DDR2: variants seen among roughly 807,000 people sequenced by gnomAD.
The protein encoded by DDR2 is discoidin domain-containing receptor 2.
In DDR2, 27 loss-of-function variants were observed where a neutral mutation model predicts 94.9. That is an observed-to-expected ratio of 0.28 (90% CI 0.21 to 0.39). DDR2 has a LOEUF of 0.39. Ranked by LOEUF, DDR2 falls within the 10% of genes least tolerant of loss-of-function variation. The pLI is 1.00. For synonymous variants in DDR2, 382 were observed against 377.2 expected (o/e 1.01, Z -0.15); for missense variants, 783 against 1,076.0 (o/e 0.73, Z 3.81).
chr1:162,721,942 G>A (rs1228283024), intron 3 of DDR2, among the ~76,000 whole-genome samples: 1 of 152,172 alleles, frequency 6.6e-6, no homozygotes, highest in African/African-American at 2.4e-5. Flanking sequence ...GCTCATTGTT[G>A]AAGATCTTAC....
intron 2 of DDR2, among the ~76,000 whole-genome samples, chr1:162,655,875 G>C (rs1418564425): frequency 6.6e-6 from 1 of 152,174 alleles, no homozygotes; most frequent in Non-Finnish European, 1.5e-5. Flanking sequence ...ACTACAACCA[G>C]GATAATAGTA....
At chr1:162,756,167 G>C (rs898358716) in intron 7 of DDR2, among the ~76,000 whole-genome samples, 2 of 152,190 alleles carry the variant, frequency 1.3e-5, no homozygotes, top group Non-Finnish European at 2.9e-5. Flanking sequence ...AAGTCAGAAA[G>C]AATAGACCTT....
At chr1:162,716,984 G>T (rs1412367425) in intron 2 of DDR2, among the ~76,000 whole-genome samples, 2 of 151,656 alleles carry the variant, frequency 1.3e-5, no homozygotes, top group Non-Finnish European at 2.9e-5. Context: ...TGCATCCAAT[G>T]CTTGCTTGAT....
Position 162,780,195 on chromosome 1 carries a change from T to G in DDR2, c.2517T>G (p.Arg839=), listed in dbSNP as rs777857327. 1 of 1,613,874 alleles carries G rather than the reference T, an allele frequency of 6.2e-7. No individual in the cohort carries two copies. Among genetic ancestry groups the G allele is most frequent in the Non-Finnish European group, 8.5e-7 (1 of 1,179,902 alleles). Reference sequence around the variant, plus strand: ...GCTGGAGAAGAGATACGAAGAACCGTCCCTCATTCCAAGAAATCCACCTTC... The same window carrying G: ...GCTGGAGAAGAGATACGAAGAACCGGCCCTCATTCCAAGAAATCCACCTTC... The part of the protein sequence containing the change: ...LSCWRRDTKN[R]PSFQEIHLLL... Residue 839 remains arginine, a synonymous_variant, in exon 18 of 18, where the codon CGT becomes CGG. Coordinates refer to ENST00000367921, the MANE Select transcript of DDR2 (RefSeq NM_006182.4).
intron 2 of DDR2, among the ~76,000 whole-genome samples, chr1:162,706,596 T>C (rs777272800): frequency 2.6e-5 from 4 of 152,116 alleles, no homozygotes; most frequent in Non-Finnish European, 5.9e-5. Flanking sequence ...GAGAATGAGA[T>C]TGAGAAGCCT....
chr1:162,708,471 A>T (rs1660754301), intron 2 of DDR2, among the ~76,000 whole-genome samples: 2 of 152,202 alleles, frequency 1.3e-5, no homozygotes, highest in Non-Finnish European at 2.9e-5. Flanking sequence ...GGCACAATCA[A>T]AACAAGCTCC....
chr1:162,775,596 C>G (rs1351921863), intron 14 of DDR2, 56 bp from the exon 15 acceptor site: 2 of 1,587,836 alleles, frequency 1.3e-6, no homozygotes, highest in East Asian at 2.2e-5. Flanking sequence ...ATTCTTCTCT[C>G]TCTTGATTCT....
intron 1 of DDR2, among the ~76,000 whole-genome samples, chr1:162,638,449 A>G (rs1273414147): frequency 3.3e-5 from 5 of 152,198 alleles, no homozygotes; most frequent in Non-Finnish European, 7.3e-5. Context: ...TCCCCATGGT[A>G]AGGTTGGAGA....
intron 1 of DDR2, among the ~76,000 whole-genome samples, chr1:162,637,633 C>G (rs549935023): frequency 6.6e-6 from 1 of 152,086 alleles, no homozygotes; most frequent in Admixed American, 6.5e-5. Context: ...CATCATATTG[C>G]TGCCTCTCAA....
chr1:162,776,132 T>C lies in DDR2; in HGVS notation c.2049-4T>C, dbSNP rs770476890. The stretch of plus-strand genomic sequence containing the variant: ...ACCTTCTGTCTTCTTGTCTATTTCC[T>C]CAGTTACACCAATCTGAAGTTTATG... On this transcript the variant is annotated splice_region_variant and splice_polypyrimidine_tract_variant and intron_variant, in intron 15 of 17. Coordinates refer to ENST00000367921, the MANE Select transcript of DDR2 (RefSeq NM_006182.4). 1 of 1,610,774 alleles carries C rather than the reference T, an allele frequency of 6.2e-7. No individual in the cohort carries two copies. The highest frequency in any genetic ancestry group is 8.5e-7 in the Non-Finnish European group (1 of 1,177,278).
At chr1:162,695,289 T>G (rs1187180538) in intron 2 of DDR2, among the ~76,000 whole-genome samples, 1 of 152,120 alleles carries the variant, frequency 6.6e-6, no homozygotes, top group Non-Finnish European at 1.5e-5. Flanking sequence ...TAGAGTGCAG[T>G]GGTGCGATCT....
chr1:162,759,406 C>T (rs2102148162), intron 7 of DDR2, among the ~76,000 whole-genome samples: 1 of 152,200 alleles, frequency 6.6e-6, no homozygotes, highest in Admixed American at 6.5e-5. Flanking sequence ...TCCATTTCCT[C>T]ATTTACTCTA....
At chr1:162,761,136 T>C in intron 8 of DDR2, 75 bp from the exon 9 acceptor site, 1 of 1,605,348 alleles carries the variant, frequency 6.2e-7, no homozygotes, top group East Asian at 2.2e-5. Flanking sequence ...CGGCAACTAC[T>C]GAGTTGGCTG....
rs1648123714 is a variant in DDR2 at position 162,785,783 on chromosome 1, C to T, written c.*5537C>T. The T allele has an allele frequency of 1.3e-5, 2 of 152,100 alleles. No homozygotes were observed. The highest frequency in any genetic ancestry group is 2.9e-5 in the Non-Finnish European group (2 of 68,010). The allele number at this position is 152,100 out of a possible 1,614,324, so 9.4% of individuals were successfully genotyped here. On this transcript the variant is annotated 3_prime_UTR_variant, in exon 18 of 18. Coordinates refer to ENST00000367921, the MANE Select transcript of DDR2 (RefSeq NM_006182.4). ...AGAAAAAAATTACTCAGACTTGTTC[C>T]TGGTGAAGTGCATTCTCTGTTTGTA...
At chr1:162,752,339 T>C (rs997369247) in intron 3 of DDR2, among the ~76,000 whole-genome samples, 1 of 152,232 alleles carries the variant, frequency 6.6e-6, no homozygotes, top group Non-Finnish European at 1.5e-5. Flanking sequence ...CATTGTGTTG[T>C]ATCCTGGACA....
rs1225741728 is a variant in DDR2 at position 162,782,863 on chromosome 1, T to C, written c.*2617T>C. The C allele has an allele frequency of 2.6e-5, 4 of 152,166 alleles. No homozygotes were observed. The highest frequency in any genetic ancestry group is 9.7e-5 in the African/African-American group (4 of 41,446). 9.4% of individuals were successfully genotyped at this position (152,166 alleles called of 1,614,324 possible). On this transcript the variant is annotated 3_prime_UTR_variant, in exon 18 of 18. Coordinates refer to ENST00000367921, the MANE Select transcript of DDR2 (RefSeq NM_006182.4). ...AATATGTATTATCATGTAATACATATCTGTGTCCTTTTCTGGGATGAGGAA... is the reference window on the plus strand; with the variant it reads ...AATATGTATTATCATGTAATACATACCTGTGTCCTTTTCTGGGATGAGGAA...
chr1:162,782,522 T>C lies in DDR2; in HGVS notation c.*2276T>C, dbSNP rs1053914075. 6.6e-6 allele frequency: 1 copy of C among 152,198 alleles called. No individual in the cohort carries two copies. The highest frequency in any genetic ancestry group is 2.4e-5 in the African/African-American group (1 of 41,448). 9.4% of individuals were successfully genotyped at this position (152,198 alleles called of 1,614,324 possible). On this transcript the variant is annotated 3_prime_UTR_variant, in exon 18 of 18. Transcript: ENST00000367921. Reference sequence around the variant, plus strand: ...GACCTGCCACACTCCACTTTCAAGATATGTATTAGCTTCATTAGAATTAAA... The same window carrying C: ...GACCTGCCACACTCCACTTTCAAGACATGTATTAGCTTCATTAGAATTAAA...
At chr1:162,760,285 G>A (rs1004699218) in intron 8 of DDR2, among the ~76,000 whole-genome samples, 10 of 151,408 alleles carry the variant, frequency 6.6e-5, no homozygotes, top group African/African-American at 1.9e-4. Flanking sequence ...GCATAAAAAT[G>A]CTCTAATTTC....
Position 162,766,070 on chromosome 1 carries a change from G to A in DDR2, c.1162+7G>A, listed in dbSNP as rs569230020. The A allele has an allele frequency of 7.4e-6, 12 of 1,613,762 alleles. No homozygotes were observed. The South Asian group carries it at 9.9e-5, about 13-fold the overall frequency. On this transcript the variant is annotated splice_region_variant and intron_variant, in intron 10 of 17. Transcript: ENST00000367921. ...ATGGCACCCACAACCTATGGTATAT[G>A]TGATTCCTAATTACACAAATTAATT...
Sources: allele counts gnomAD v4.1 joint callset (sites outside exome capture counted in the v4.1 genomes callset), GRCh38; gene constraint gnomAD v4.1.1; transcripts MANE v1.5; gene names NCBI Gene and HGNC (gene_info 2026-07-23, HGNC 2026-07-21).